Variants in SLC24A2 observed in about 807,000 individuals in gnomAD.
SLC24A2 encodes sodium/potassium/calcium exchanger 2.
A neutral mutation model predicts 62.0 loss-of-function variants in SLC24A2; 36 were observed. That is an observed-to-expected ratio of 0.58 (90% CI 0.44 to 0.77). SLC24A2 has a LOEUF of 0.77. Among genes scored for constraint, SLC24A2 ranks in the 30% least tolerant of loss-of-function variants. SLC24A2 has a pLI of 0.00. For synonymous variants in SLC24A2, 358 were observed against 294.0 expected, an observed-to-expected ratio of 1.22 and a Z score of -2.23; for missense variants, 846 against 817.9, an observed-to-expected ratio of 1.03 and a Z score of -0.42.
At chr9:19,844,339 T>A in the SLC24A2 span, among the ~76,000 whole-genome samples, 2 of 152,206 alleles carry the variant, frequency 1.3e-5, no homozygotes, top group Non-Finnish European at 2.9e-5. Flanking sequence ...TGTCTGTTCA[T>A]GTCTTTTGCC....
At chr9:20,031,264 T>G in the SLC24A2 span, among the ~76,000 whole-genome samples, 2 of 149,616 alleles carry the variant, frequency 1.3e-5, no homozygotes, top group African/African-American at 4.9e-5. Flanking sequence ...TTATAAAATG[T>G]GTGTGTGCGC....
At chr9:20,016,768 T>C in the SLC24A2 span, among the ~76,000 whole-genome samples, 1 of 151,872 alleles carries the variant, frequency 6.6e-6, no homozygotes, top group Non-Finnish European at 1.5e-5. Context: ...TAGAAAAAGA[T>C]AGGGGAGGAT....
the SLC24A2 span, among the ~76,000 whole-genome samples, chr9:20,165,953 AT>A: frequency 6.6e-6 from 1 of 151,988 alleles, no homozygotes; most frequent in Non-Finnish European, 1.5e-5. Context: ...GGATGGAAAC[AT>A]GAGACATCCT....
chr9:20,269,802 T>C, the SLC24A2 span, among the ~76,000 whole-genome samples: 1 of 152,232 alleles, frequency 6.6e-6, no homozygotes, highest in African/African-American at 2.4e-5. Flanking sequence ...TTTTATCTTC[T>C]TCTTGGCATT....
At chr9:19,939,083 G>A in the SLC24A2 span, among the ~76,000 whole-genome samples, 1 of 152,196 alleles carries the variant, frequency 6.6e-6, no homozygotes, top group South Asian at 2.1e-4. Context: ...TAAATATGTA[G>A]GTGATATCTG....
intron 2 of SLC24A2, among the ~76,000 whole-genome samples, chr9:19,758,719 T>C (rs903091031): frequency 2.6e-5 from 4 of 152,158 alleles, no homozygotes; most frequent in South Asian, 2.1e-4. Flanking sequence ...AAGAAACTTA[T>C]CAGGATTGGT....
At chr9:20,252,120 A>G in the SLC24A2 span, among the ~76,000 whole-genome samples, 1 of 152,232 alleles carries the variant, frequency 6.6e-6, no homozygotes, top group South Asian at 2.1e-4. Flanking sequence ...AAAGACTACA[A>G]GACAATGTGT....
chr9:19,816,430 T>C, the SLC24A2 span, among the ~76,000 whole-genome samples: 4 of 152,230 alleles, frequency 2.6e-5, no homozygotes, highest in East Asian at 5.8e-4. Context: ...GTTTGAGAAA[T>C]GGGACTCCTG....
At chr9:20,263,665 G>A in the SLC24A2 span, among the ~76,000 whole-genome samples, 9 of 152,158 alleles carry the variant, frequency 5.9e-5, no homozygotes, top group African/African-American at 2.2e-4. Flanking sequence ...TGCACTACAT[G>A]TTTACATGAA....
chr9:20,135,167 A>G, the SLC24A2 span, among the ~76,000 whole-genome samples: 1 of 152,152 alleles, frequency 6.6e-6, no homozygotes, highest in East Asian at 1.9e-4. Context: ...GATTCTCCCA[A>G]TCCTTTTGGA....
the SLC24A2 span, among the ~76,000 whole-genome samples, chr9:20,002,800 G>T: frequency 2.0e-5 from 3 of 152,192 alleles, no homozygotes; most frequent in Non-Finnish European, 4.4e-5. Context: ...GCCCATGTCT[G>T]GTGGTTTCAG....
At position 19,786,265 on chromosome 9, in the gene SLC24A2, C is replaced by G; in HGVS notation, c.602G>C (p.Ser201Thr). The G allele has an allele frequency of 6.2e-7, 1 of 1,614,116 alleles. No homozygotes were observed. The highest frequency in any genetic ancestry group is 1.1e-5 in the South Asian group (1 of 91,076). ...TACAATTGTGCCTATGCCAACGTTG[C>G]TGTGAGCGATAAATACCCCTATGAG... is the stretch of plus-strand genomic sequence containing the variant. ...TSLIGVFIAHSNVGIGTIVGS... is the reference protein window; with the variant it reads ...TSLIGVFIAHTNVGIGTIVGS... Residue 201 changes from serine (S) to threonine (T), a missense_variant, in exon 2 of 11, where the codon AGC becomes ACC. Ser to Thr is a moderately conservative substitution (Grantham distance 58). Transcript: ENST00000341998. The surrounding 1 kb of genome is among the most constrained non-coding windows in gnomAD (Gnocchi z 5.0).
chr9:19,955,216 A>G, the SLC24A2 span, among the ~76,000 whole-genome samples: 4 of 152,198 alleles, frequency 2.6e-5, no homozygotes, highest in East Asian at 7.7e-4. Context: ...CTTTATAAGT[A>G]ATGGGGTCTT....
At chr9:19,744,101 G>A (rs1290605351) in intron 2 of SLC24A2, among the ~76,000 whole-genome samples, 2 of 152,098 alleles carry the variant, frequency 1.3e-5, no homozygotes, top group Middle Eastern at 3.2e-3. Flanking sequence ...GCTCTGTGAT[G>A]TTACAATACA....
chr9:20,175,991 G>T, the SLC24A2 span, among the ~76,000 whole-genome samples: 1 of 152,008 alleles, frequency 6.6e-6, no homozygotes, highest in African/African-American at 2.4e-5. Context: ...GGATGTGGAG[G>T]ATTTGGAAGG....
At chr9:19,747,249 C>A (rs915357934) in intron 2 of SLC24A2, among the ~76,000 whole-genome samples, 1 of 152,016 alleles carries the variant, frequency 6.6e-6, no homozygotes, top group African/African-American at 2.4e-5. Flanking sequence ...CTTTCCTCAC[C>A]ATCCTGAGTT....
chr9:19,669,060 T>C (rs1473940185), intron 2 of SLC24A2, among the ~76,000 whole-genome samples: 1 of 152,238 alleles, frequency 6.6e-6, no homozygotes, highest in Non-Finnish European at 1.5e-5. Flanking sequence ...ATCAGGTATT[T>C]GGCTAAATTG....
the SLC24A2 span, among the ~76,000 whole-genome samples, chr9:20,028,679 C>T: frequency 5.3e-5 from 8 of 152,322 alleles, no homozygotes; most frequent in Non-Finnish European, 7.3e-5. Flanking sequence ...CTAGAAAGCT[C>T]CCCAAAGGGC....
chr9:20,304,372 T>C, the SLC24A2 span, among the ~76,000 whole-genome samples: 1 of 151,910 alleles, frequency 6.6e-6, no homozygotes, highest in Non-Finnish European at 1.5e-5. Context: ...TTTTGAAGGG[T>C]AAAGAAGATA....
Sources: allele counts gnomAD v4.1 joint callset (sites outside exome capture counted in the v4.1 genomes callset), GRCh38; gene constraint gnomAD v4.1.1; non-coding constraint Gnocchi (gnomAD v3.1); transcripts MANE v1.5; gene names NCBI Gene and HGNC (gene_info 2026-07-23, HGNC 2026-07-21).